The following DOCK2 variants were observed in gnomAD, a reference collection of about 807,000 sequenced individuals.
DOCK2 encodes the protein dedicator of cytokinesis protein 2.
Under a neutral mutation model 248.9 loss-of-function variants are expected in DOCK2, and 87 were observed. The ratio of observed to expected loss-of-function variants is 0.35; its 90% CI spans 0.29 to 0.42. The LOEUF (loss-of-function observed/expected upper bound fraction) is 0.42, where lower values mean the gene tolerates loss of function less well. DOCK2 is among the 10% of genes least tolerant of loss of function. The probability of loss-of-function intolerance (pLI) is 1.00; values close to 1 mark genes in which losing one functional copy is unlikely to be tolerated. For missense variants in DOCK2, 1,747 were observed against 2,300.2 expected, an observed-to-expected ratio of 0.76 and a Z score of 4.92; for synonymous variants, 805 against 821.6, an observed-to-expected ratio of 0.98 and a Z score of 0.35.
intron 1 of DOCK2, among the ~76,000 whole-genome samples, chr5:169,644,885 A>G (rs529648483): frequency 6.6e-6 from 1 of 152,222 alleles, no homozygotes; most frequent in East Asian, 1.9e-4. Flanking sequence ...ATGAGTGAGA[A>G]CAGGCAGTGT....
chr5:170,017,555 A>G (rs1451712673), intron 32 of DOCK2, among the ~76,000 whole-genome samples: 1 of 152,220 alleles, frequency 6.6e-6, no homozygotes. Context: ...CAAAGATAAT[A>G]TTAATAGCTA....
intron 27 of DOCK2, among the ~76,000 whole-genome samples, chr5:169,937,389 G>GCCCACATCCAAATC: frequency 6.6e-6 from 1 of 152,272 alleles, no homozygotes; most frequent in East Asian, 1.9e-4. Context: ...CACATCCCTG[G>GCCCACATCCAAATC]CCTATGATTT....
chr5:169,658,980 C>CATTATTATTATTATT (rs200506411), intron 2 of DOCK2, among the ~76,000 whole-genome samples: 30 of 136,260 alleles, frequency 2.2e-4, no homozygotes, highest in African/African-American at 6.0e-4. Context: ...TACAAGACTG[C>CATTATTATTATTATT]ATTATTATTA....
At chr5:169,673,540 A>G (rs1759156612) in intron 5 of DOCK2, among the ~76,000 whole-genome samples, 1 of 152,148 alleles carries the variant, frequency 6.6e-6, no homozygotes, top group Non-Finnish European at 1.5e-5. Flanking sequence ...AAAAATTTAG[A>G]GACAGGGTCT....
chr5:169,812,406 T>A (rs955479575), intron 26 of DOCK2, among the ~76,000 whole-genome samples: 1 of 152,222 alleles, frequency 6.6e-6, no homozygotes, highest in Non-Finnish European at 1.5e-5. Context: ...TTCCACATTA[T>A]GTTGAGTTGT....
intron 32 of DOCK2, among the ~76,000 whole-genome samples, chr5:170,009,520 G>T (rs994265264): frequency 6.6e-6 from 1 of 152,144 alleles, no homozygotes; most frequent in Non-Finnish European, 1.5e-5. Context: ...GTGCTGAAAG[G>T]ATGGATGGGT....
intron 26 of DOCK2, among the ~76,000 whole-genome samples, chr5:169,804,491 C>T (rs62384795): frequency 0.012 from 885 of 71,780 alleles, 13 homozygotes; most frequent in Non-Finnish European, 0.027. Context: ...TGTGTGCGCG[C>T]GCGCGTGCGC....
At chr5:169,918,000 T>G (rs2113641610) in intron 27 of DOCK2, among the ~76,000 whole-genome samples, 1 of 152,338 alleles carries the variant, frequency 6.6e-6, no homozygotes, top group Middle Eastern at 3.4e-3. Context: ...CGTTACAGAA[T>G]TCTGCCTTTC....
chr5:170,055,204 G>A (rs1362250903), intron 41 of DOCK2, 101 bp from the exon 42 acceptor site: 2 of 1,096,658 alleles, frequency 1.8e-6, no homozygotes, highest in Non-Finnish European at 1.4e-6. Flanking sequence ...TAAAAATGTG[G>A]CCCCATAAAG....
At chr5:169,745,099 A>C (rs546008511) in intron 22 of DOCK2, among the ~76,000 whole-genome samples, 1 of 152,326 alleles carries the variant, frequency 6.6e-6, no homozygotes, top group South Asian at 2.1e-4. Context: ...AACAGACTTC[A>C]AGGCAAAAGG....
In DOCK2 at chr5:170,051,678, C is replaced by T. The variant is rs541072023; in HGVS notation, c.4213+1281C>T. On this transcript the variant is annotated intron_variant, in intron 41 of 51. Transcript: ENST00000520908. ...GAGGTGAGCTAGAATGTCGGCTCCA[C>T]GAGGGAAGATGCTTGCCCTGGCTTG... 2.1e-3 allele frequency among the ~76,000 whole-genome samples: 320 copies of T among 152,288 alleles called. 3 individuals are homozygous for T. The highest frequency in any genetic ancestry group is 7.1e-3 in the African/African-American group (293 of 41,558).
chr5:169,713,076 A>G, intron 17 of DOCK2, among the ~76,000 whole-genome samples: 1 of 152,210 alleles, frequency 6.6e-6, no homozygotes, highest in East Asian at 1.9e-4. Flanking sequence ...GCTTCATCTC[A>G]TAGTACTCTT....
At chr5:169,689,951 C>G (rs1397419889) in intron 9 of DOCK2, among the ~76,000 whole-genome samples, 3 of 151,868 alleles carry the variant, frequency 2.0e-5, no homozygotes, top group Non-Finnish European at 4.4e-5. Context: ...CTTTTTAGCT[C>G]TGAATAGGGG....
At chr5:169,931,127 A>T (rs1254031891) in intron 27 of DOCK2, among the ~76,000 whole-genome samples, 2 of 152,126 alleles carry the variant, frequency 1.3e-5, no homozygotes, top group Non-Finnish European at 2.9e-5. Flanking sequence ...TGCTACTAAC[A>T]CCCTTGATCT....
chr5:169,979,511 T>C (rs1777864434), intron 27 of DOCK2, among the ~76,000 whole-genome samples: 1 of 152,190 alleles, frequency 6.6e-6, no homozygotes, highest in South Asian at 2.1e-4. Flanking sequence ...GAAAGGAGAC[T>C]TTTCTGAATA....
intron 22 of DOCK2, among the ~76,000 whole-genome samples, chr5:169,721,935 A>G (rs1762232231): frequency 6.6e-6 from 1 of 152,204 alleles, no homozygotes; most frequent in African/African-American, 2.4e-5. Flanking sequence ...AGTGTCTCTG[A>G]TTAGGCACAT....
intron 1 of DOCK2, among the ~76,000 whole-genome samples, chr5:169,639,540 A>G (rs1757034721): frequency 6.6e-6 from 1 of 152,188 alleles, no homozygotes; most frequent in South Asian, 2.1e-4. Context: ...TATCCTTGGC[A>G]TGTGACTTCT....
intron 22 of DOCK2, among the ~76,000 whole-genome samples, chr5:169,738,914 G>T (rs1308047714): frequency 6.6e-6 from 1 of 152,188 alleles, no homozygotes; most frequent in African/African-American, 2.4e-5. Context: ...CGGGCAGCCT[G>T]GTGGGCCCTT....
At chr5:170,058,801 C>T (rs940939324) in intron 44 of DOCK2, among the ~76,000 whole-genome samples, 5 of 152,158 alleles carry the variant, frequency 3.3e-5, no homozygotes, top group Non-Finnish European at 5.9e-5. Context: ...CAGACGATAG[C>T]ATTGAGACCG....
Sources: gnomAD v4.1 joint callset for allele counts (sites outside exome capture counted in the v4.1 genomes callset) on GRCh38, gnomAD v4.1.1 for gene constraint, MANE v1.5 for transcripts, NCBI Gene and HGNC (gene_info 2026-07-23, HGNC 2026-07-21) for gene names.